The following SYTL3 variants were observed in gnomAD, a reference collection of about 807,000 sequenced individuals.
SYTL3 encodes synaptotagmin-like protein 3.
In SYTL3, 88 loss-of-function variants were observed where a neutral mutation model predicts 82.1. The ratio of observed to expected loss-of-function variants is 1.07; its 90% CI spans 0.90 to 1.28. The LOEUF is 1.28. SYTL3 is among the 50% of genes most tolerant of loss of function. The pLI is 0.00. For missense variants in SYTL3, 831 were observed against 757.6 expected, an observed-to-expected ratio of 1.10 and a Z score of -1.14; for synonymous variants, 311 against 289.4, an observed-to-expected ratio of 1.07 and a Z score of -0.76.
rs761379474 is a variant in SYTL3 at position 158,725,514 on chromosome 6, A to G, written c.732A>G (p.Ala244=). Residue 244 remains alanine, a synonymous_variant, in exon 11 of 18, where the codon GCA becomes GCG. Coordinates refer to ENST00000611299, the MANE Select transcript of SYTL3 (RefSeq NM_001242394.2). ...TTTTCCTTCTCCAGAAGGTCAGTGC[A>G]CCAGATATTCTGAAACCTCTCAATC... The part of the protein sequence containing the change: ...AVNVTTRKVS[A]PDILKPLNQE... 18 of 1,614,080 alleles carry G rather than the reference A, an allele frequency of 1.1e-5. No homozygotes were observed. Among genetic ancestry groups the G allele is most frequent in the Non-Finnish European group, 1.5e-5 (18 of 1,180,006 alleles).
chr6:158,719,635 C>T (rs939421384), intron 10 of SYTL3, among the ~76,000 whole-genome samples: 47 of 152,308 alleles, frequency 3.1e-4, no homozygotes, highest in African/African-American at 1.0e-3. Flanking sequence ...AAGCTCCCTC[C>T]GAACTCCCTC....
intron 2 of SYTL3, among the ~76,000 whole-genome samples, chr6:158,655,133 A>C (rs146734451): frequency 6.6e-6 from 1 of 152,342 alleles, no homozygotes; most frequent in African/African-American, 2.4e-5. Context: ...TATTCAAGCT[A>C]TGAGATTGTG....
rs1208361216 is a variant in SYTL3 at position 158,757,297 on chromosome 6, T to C, written c.1224T>C (p.Leu408=). 3.7e-6 allele frequency: 6 copies of C among 1,613,848 alleles called. No homozygotes were observed. Among genetic ancestry groups the C allele is most frequent in the Non-Finnish European group, 5.1e-6 (6 of 1,179,978 alleles). Residue 408 remains leucine (L), a synonymous_variant, in exon 14 of 18, where the codon CTT becomes CTC. Transcript: ENST00000611299. ...GCACGCTGGCCCGGAGAGTGTTTCT[T>C]GGAGAAGTGATCATTCCTCTGGCCA... ...HLGTLARRVF[L]GEVIIPLATW...
At chr6:158,764,204 C>T (rs566436550) in intron 17 of SYTL3, among the ~76,000 whole-genome samples, 2 of 152,374 alleles carry the variant, frequency 1.3e-5, no homozygotes, top group African/African-American at 4.8e-5. Flanking sequence ...CAACTATCCA[C>T]TCCCTTGGTG....
intron 6 of SYTL3, among the ~76,000 whole-genome samples, chr6:158,707,020 C>T (rs1194923941): frequency 6.6e-6 from 1 of 152,138 alleles, no homozygotes; most frequent in Non-Finnish European, 1.5e-5. Context: ...TTTCAGTCTA[C>T]AATGCAATGA....
intron 12 of SYTL3, among the ~76,000 whole-genome samples, chr6:158,747,524 C>T (rs778982122): frequency 1.3e-5 from 2 of 151,960 alleles, no homozygotes; most frequent in Non-Finnish European, 2.9e-5. Flanking sequence ...AGTGCAATGG[C>T]ACGATCACAG....
chr6:158,673,699 A>G (rs949748677), intron 5 of SYTL3, among the ~76,000 whole-genome samples: 1 of 151,032 alleles, frequency 6.6e-6, no homozygotes, highest in African/African-American at 2.4e-5. Context: ...CAGCCTCCCA[A>G]AGTGCTGGGA....
At chr6:158,665,325 G>C in intron 4 of SYTL3, 70 bp from the exon 5 acceptor site, 1 of 1,448,798 alleles carries the variant, frequency 6.9e-7, no homozygotes, top group Non-Finnish European at 9.4e-7. Context: ...TTACTGCCTG[G>C]GCTCTTGCCC....
intron 11 of SYTL3, among the ~76,000 whole-genome samples, chr6:158,737,590 G>A (rs1389827230): frequency 2.6e-5 from 4 of 152,182 alleles, no homozygotes; most frequent in Non-Finnish European, 5.9e-5. Context: ...CTGTGCCAAT[G>A]GCTTTAATAA....
chr6:158,682,180 C>T (rs533973195), intron 5 of SYTL3, among the ~76,000 whole-genome samples: 133 of 152,136 alleles, frequency 8.7e-4, no homozygotes, highest in Non-Finnish European at 1.5e-3. Context: ...CTCAAGTGAT[C>T]CACCCACCTT....
intron 15 of SYTL3, 121 bp downstream of exon 15, chr6:158,760,866 G>A (rs1165951715): frequency 1.4e-6 from 1 of 724,788 alleles, no homozygotes; most frequent in African/African-American, 1.8e-5. Flanking sequence ...CCCGTGCCCA[G>A]CTCCAGCAGC....
chr6:158,728,007 G>A (rs963989180), intron 11 of SYTL3, among the ~76,000 whole-genome samples: 1 of 152,210 alleles, frequency 6.6e-6, no homozygotes, highest in South Asian at 2.1e-4. Flanking sequence ...TACTTTGAGA[G>A]TGGTTTTCTT....
chr6:158,654,984 T>G (rs533565997), intron 2 of SYTL3, among the ~76,000 whole-genome samples: 1 of 152,324 alleles, frequency 6.6e-6, no homozygotes, highest in South Asian at 2.1e-4. Flanking sequence ...GTTAGGAGAC[T>G]GGATCTAAGC....
In SYTL3 at chr6:158,728,901, G is replaced by A. The variant is rs1000235014; in HGVS notation, c.855+3264G>A. Among the ~76,000 whole-genome samples the A allele has an allele frequency of 1.1e-4, 17 of 152,258 alleles. No individual in the cohort carries two copies. In the East Asian group the frequency reaches 2.1e-3, roughly 19 times the overall value. On this transcript the variant is annotated intron_variant, in intron 11 of 17. Coordinates refer to ENST00000611299, the MANE Select transcript of SYTL3 (RefSeq NM_001242394.2). ...ATAAAACACAAAAAATTAGCCAGGC[G>A]TGATGGCAGGCGCCTGTAGTCCCAG...
intron 5 of SYTL3, among the ~76,000 whole-genome samples, chr6:158,675,825 C>T (rs568162661): frequency 6.6e-6 from 1 of 152,258 alleles, no homozygotes; most frequent in South Asian, 2.1e-4. Flanking sequence ...TGGTGGGCAC[C>T]TGTAGTCCCA....
At chr6:158,695,979 G>A (rs1466506441) in intron 6 of SYTL3, among the ~76,000 whole-genome samples, 1 of 152,184 alleles carries the variant, frequency 6.6e-6, no homozygotes, top group African/African-American at 2.4e-5. Flanking sequence ...GAATAATGCT[G>A]CTGGGAACAT....
chr6:158,710,034 A>G (rs1782584422), intron 8 of SYTL3, among the ~76,000 whole-genome samples: 2 of 152,170 alleles, frequency 1.3e-5, no homozygotes, highest in Admixed American at 1.3e-4. Context: ...GACTGTCTCT[A>G]AACAAACAAA....
At chr6:158,666,796 A>C (rs992841784) in intron 5 of SYTL3, among the ~76,000 whole-genome samples, 31 of 152,170 alleles carry the variant, frequency 2.0e-4, no homozygotes, top group African/African-American at 7.5e-4. Context: ...TCCCTTTGCA[A>C]GGCTTACTGT....
chr6:158,761,008 T>C (rs1015727867), intron 15 of SYTL3, among the ~76,000 whole-genome samples: 1 of 152,124 alleles, frequency 6.6e-6, no homozygotes, highest in Non-Finnish European at 1.5e-5. Flanking sequence ...GCCCTAGGCC[T>C]TCCTCCCAGG....
Sources: allele counts gnomAD v4.1 joint callset (sites outside exome capture counted in the v4.1 genomes callset), GRCh38; gene constraint gnomAD v4.1.1; transcripts MANE v1.5; gene names NCBI Gene and HGNC (gene_info 2026-07-23, HGNC 2026-07-21).